MBD6: variants seen among roughly 807,000 people sequenced by gnomAD.
MBD6 encodes methyl-CpG-binding domain protein 6.
Under a neutral mutation model 66.8 loss-of-function variants are expected in MBD6, and 22 were observed. The observed-to-expected ratio is 0.33, with a 90% CI of 0.24 to 0.47. The LOEUF (loss-of-function observed/expected upper bound fraction) is 0.47, where lower values mean the gene tolerates loss of function less well. MBD6 is among the 20% of genes least tolerant of loss of function. MBD6 has a pLI of 1.00. For synonymous variants in MBD6, 540 were observed against 534.6 expected (o/e 1.01, Z -0.14); for missense variants, 1,322 against 1,286.9 (o/e 1.03, Z -0.42).
At chr12:57,527,476 CG>C (rs781595527) in intron 7 of MBD6, 30 bp from the exon 8 acceptor site, 1 of 1,611,388 alleles carries the variant, frequency 6.2e-7, no homozygotes, top group Non-Finnish European at 8.5e-7. Context: ...ATTTTACACG[CG>C]TAAGTGTTAG....
In MBD6 at chr12:57,524,667, T is replaced by C. The variant is rs777714755; in HGVS notation, c.114-53T>C. ...CTTAAGCACTGTGCTTTAGGAGTAT[T>C]GCCTGATTCGCTGCCAGCTAACCCC... On this transcript the variant is annotated intron_variant, in intron 3 of 12. Transcript: ENST00000355673. 28 of 1,516,000 alleles carry C rather than the reference T, an allele frequency of 1.8e-5. No individual in the cohort carries two copies. The South Asian group carries it at 2.9e-4, about 16-fold the overall frequency. The allele number at this position is 1,516,000 out of a possible 1,614,324, so 93.9% of individuals were successfully genotyped here.
chr12:57,528,053 T>G (rs1270535284), intron 9 of MBD6, 36 bp downstream of exon 9: 2 of 1,528,568 alleles, frequency 1.3e-6, no homozygotes, highest in Non-Finnish European at 1.8e-6. Context: ...AGGGAGATAA[T>G]TTTTTCTCAA....
rs145464519 is a variant in MBD6 at position 57,528,427 on chromosome 12, G to A, written c.2687G>A (p.Arg896His). Residue 896 changes from arginine (R) to histidine (H), a missense_variant, in exon 10 of 13, where the codon CGT (arginine) becomes CAT (histidine). Transcript: ENST00000355673. Reference protein sequence around the residue: ...PGRLALKWGTRGGFNGQMERS... With the variant: ...PGRLALKWGTHGGFNGQMERS... ...CGACTGGCCCTCAAATGGGGGACAC[G>A]TGGTGGCTTCAATGGACAAATGGAA... The A allele has an allele frequency of 3.3e-5, 53 of 1,613,514 alleles. No homozygotes were observed. The highest frequency in any genetic ancestry group is 4.2e-5 in the Non-Finnish European group (50 of 1,179,998).
intron 10 of MBD6, 52 bp downstream of exon 10, chr12:57,528,612 G>A: frequency 6.2e-7 from 1 of 1,613,420 alleles, no homozygotes; most frequent in Non-Finnish European, 8.5e-7. Flanking sequence ...GGAAAGGTTG[G>A]GGCTTTGGAG....
In MBD6 at chr12:57,527,639, C is replaced by G. The variant is rs766854864; in HGVS notation, c.2215C>G (p.Leu739Val). Reference protein sequence around the residue: ...SGRPPQLLSPLLGASLLGDLS... With the variant: ...SGRPPQLLSPVLGASLLGDLS... ...GAGACCCCCCCAACTCCTTAGCCCTCTGCTGGGTGCCAGCCTGCTGGGTGA... is the reference window on the plus strand; with the variant it reads ...GAGACCCCCCCAACTCCTTAGCCCTGTGCTGGGTGCCAGCCTGCTGGGTGA... Residue 739 changes from leucine (L) to valine (V), a missense_variant, in exon 8 of 13, where the codon CTG becomes GTG. Transcript: ENST00000355673. 6.2e-7 allele frequency: 1 copy of G among 1,604,544 alleles called. No individual in the cohort carries two copies. The highest frequency in any genetic ancestry group is 8.5e-7 in the Non-Finnish European group (1 of 1,175,664).
chr12:57,530,660 A>G (rs773228367), downstream of MBD6: 2 of 1,574,420 alleles, frequency 1.3e-6, no homozygotes, highest in East Asian at 4.5e-5. Context: ...GGGTAGGGAT[A>G]ACCCCTGTTC....
In MBD6 at chr12:57,524,108, C is replaced by G. The variant is rs1011288992; in HGVS notation, c.-25+16C>G. 1 of 429,934 alleles carries G rather than the reference C, an allele frequency of 2.3e-6. No individual in the cohort carries two copies. The highest frequency in any genetic ancestry group is 4.0e-5 in the Admixed American group (1 of 25,314). 26.6% of individuals were successfully genotyped at this position (429,934 alleles called of 1,614,324 possible). ...AGATGTTCAGGTAGCTGTGGTGATA[C>G]GGCAGAGGACTCCTCAGTCTCCCTC... is the stretch of plus-strand genomic sequence containing the variant. On this transcript the variant is annotated intron_variant, in intron 2 of 12. Transcript: ENST00000355673.
At chr12:57,527,451 A>G (rs1427301347) in intron 7 of MBD6, 56 bp from the exon 8 acceptor site, 9 of 1,585,948 alleles carry the variant, frequency 5.7e-6, no homozygotes, top group Admixed American at 5.0e-5. Flanking sequence ...TGAAAGCACT[A>G]TAAATCTGTT....
chr12:57,530,758 A>C (rs997951259), downstream of MBD6: 33 of 1,613,876 alleles, frequency 2.0e-5, no homozygotes, highest in Non-Finnish European at 2.7e-5. Flanking sequence ...CCAGGTTTTC[A>C]CGCATGGTTG....
chr12:57,524,905 A>G, intron 4 of MBD6, 48 bp from the exon 5 acceptor site: 1 of 1,606,734 alleles, frequency 6.2e-7, no homozygotes, highest in Non-Finnish European at 8.5e-7. Context: ...AGCCCTTCTC[A>G]CAGGTTCCAG....
At position 57,527,639 on chromosome 12, in the gene MBD6, C is replaced by T. The variant is rs766854864; in HGVS notation, c.2215C>T (p.Leu739=). 2 of 1,604,544 alleles carry T rather than the reference C, an allele frequency of 1.2e-6. No homozygotes were observed. The highest frequency in any genetic ancestry group is 1.7e-6 in the Non-Finnish European group (2 of 1,175,664). Residue 739 remains leucine (L), a synonymous_variant, in exon 8 of 13, where the codon CTG becomes TTG. Coordinates refer to ENST00000355673, the MANE Select transcript of MBD6 (RefSeq NM_052897.4). The part of the protein sequence containing the change: ...SGRPPQLLSP[L]LGASLLGDLS... ...GAGACCCCCCCAACTCCTTAGCCCT[C>T]TGCTGGGTGCCAGCCTGCTGGGTGA...
Position 57,529,401 on chromosome 12 carries a change from AG to A in MBD6, c.*172del. The A allele has an allele frequency of 5.4e-6, 3 of 558,098 alleles. No individual in the cohort carries two copies. The highest frequency in any genetic ancestry group is 6.3e-6 in the Non-Finnish European group (2 of 319,866). 34.6% of individuals were successfully genotyped at this position (558,098 alleles called of 1,614,324 possible). On this transcript the variant is annotated 3_prime_UTR_variant, in exon 13 of 13. Transcript: ENST00000355673. Reference sequence around the variant, plus strand: ...CTACAATCCCATCCTGAGCCATTGCAGGGGGCAGGGAAGTTCACCCCCCCCC... The same window carrying A: ...CTACAATCCCATCCTGAGCCATTGCAGGGGCAGGGAAGTTCACCCCCCCCC...
chr12:57,526,960 A>G lies in MBD6; in HGVS notation c.1815A>G (p.Pro605=), dbSNP rs758557638. 6.2e-7 allele frequency: 1 copy of G among 1,610,994 alleles called. No homozygotes were observed. ...PSLLVASLLP[P]PPSDLLPPPS... ...TTTTGGTGGCTTCCTTGCTTCCTCC[A>G]CCACCCTCAGACCTTCTTCCACCTC... Residue 605 remains proline, a synonymous_variant, in exon 7 of 13, where the codon CCA becomes CCG. Transcript: ENST00000355673.
chr12:57,529,678 C>G lies in MBD6; in HGVS notation c.*444C>G, dbSNP rs1879436461. 5.6e-6 allele frequency: 1 copy of G among 178,074 alleles called. No individual in the cohort carries two copies. Among genetic ancestry groups the G allele is most frequent in the South Asian group, 1.2e-4 (1 of 8,098 alleles). The allele number at this position is 178,074 out of a possible 1,614,324, so 11.0% of individuals were successfully genotyped here. A position where few individuals can be genotyped will look rare whatever the true frequency, so the allele number is the denominator to read the frequency against. On this transcript the variant is annotated 3_prime_UTR_variant, in exon 13 of 13. Coordinates refer to ENST00000355673, the MANE Select transcript of MBD6 (RefSeq NM_052897.4). Reference sequence around the variant, plus strand: ...CTGCCCTCCTTCCCAGTGAAAGGTACAAAGCAATAAGCATCATGCATCCTC... The same window carrying G: ...CTGCCCTCCTTCCCAGTGAAAGGTAGAAAGCAATAAGCATCATGCATCCTC...
chr12:57,524,241 T>G, intron 2 of MBD6, 39 bp from the exon 3 acceptor site: 1 of 1,304,608 alleles, frequency 7.7e-7, no homozygotes, highest in Non-Finnish European at 1.1e-6. Flanking sequence ...TCGCTCAGTT[T>G]AATCCTCCTA....
At chr12:57,527,413 A>T in intron 7 of MBD6, 94 bp from the exon 8 acceptor site, 1 of 1,471,064 alleles carries the variant, frequency 6.8e-7, no homozygotes, top group Non-Finnish European at 9.5e-7. Flanking sequence ...GGCCTATCTC[A>T]CTTGAGGCTT....
Position 57,528,466 on chromosome 12 carries a change from G to C in MBD6, c.2726G>C (p.Arg909Thr), listed in dbSNP as rs1879229872. The change falls in exon 10 of 13, where the codon AGA (arginine) becomes ACA (threonine). Residue 909 changes from arginine to threonine, a missense_variant. Transcript: ENST00000355673. ...GGACAAATGGAAAGGTCCCCAAGAA[G>C]AACCCACCATTGGCAGCATAATGGG... is the stretch of plus-strand genomic sequence containing the variant. The part of the protein sequence containing the change: ...FNGQMERSPR[R>T]THHWQHNGEL... The C allele has an allele frequency of 1.9e-6, 3 of 1,613,822 alleles. No homozygotes were observed. The highest frequency in any genetic ancestry group is 2.5e-6 in the Non-Finnish European group (3 of 1,180,046).
rs535184098 is a variant in MBD6, at chr12:57,525,450, C to T, written c.482C>T (p.Pro161Leu). The T allele has an allele frequency of 1.4e-5, 21 of 1,537,424 alleles. No individual in the cohort carries two copies. The highest frequency in any genetic ancestry group is 9.1e-5 in the South Asian group (7 of 77,044). Residue 161 changes from proline (P) to leucine (L), a missense_variant, in exon 6 of 13, where the codon CCT becomes CTT. Physicochemically the swap from Pro to Leu is moderately conservative, Grantham distance 98 (BLOSUM62 -3). Coordinates refer to ENST00000355673, the MANE Select transcript of MBD6 (RefSeq NM_052897.4). ...CCTACAACTCCACTTAATGGGGGTC[C>T]TGGCTCCCTTCCCCCAGAACCACCC... Reference protein sequence around the residue: ...VPPTTPLNGGPGSLPPEPPSV... With the variant: ...VPPTTPLNGGLGSLPPEPPSV...
intron 1 of MBD6, 95 bp downstream of exon 1, chr12:57,523,106 C>CCATCCCCACTCCCCCGCCCT (rs1878531900): frequency 6.8e-6 from 1 of 146,120 alleles, no homozygotes; most frequent in Non-Finnish European, 1.5e-5. Context: ...TTCCCCGGCC[C>CCATCCCCACTCCCCCGCCCT]CATCCCCACT....
Sources: gnomAD v4.1 joint callset for allele counts on GRCh38, gnomAD v4.1.1 for gene constraint, MANE v1.5 for transcripts, NCBI Gene and HGNC (gene_info 2026-07-23, HGNC 2026-07-21) for gene names.